The following ATP9A variants were observed in gnomAD, a reference collection of about 807,000 sequenced individuals.
ATP9A encodes probable phospholipid-transporting ATPase IIA.
Under a neutral mutation model 144.1 loss-of-function variants are expected in ATP9A, and 52 were observed. The ratio of observed to expected loss-of-function variants is 0.36; its 90% CI spans 0.29 to 0.45. The LOEUF (loss-of-function observed/expected upper bound fraction) is 0.45, where lower values mean the gene tolerates loss of function less well. Among genes scored for constraint, ATP9A ranks in the 20% least tolerant of loss-of-function variants. The pLI, the probability that ATP9A is intolerant of heterozygous loss-of-function variation, is 1.00. For missense variants in ATP9A, 947 were observed against 1,392.7 expected, an observed-to-expected ratio of 0.68 and a Z score of 5.09; for synonymous variants, 582 against 557.4, an observed-to-expected ratio of 1.04 and a Z score of -0.62.
At chr20:51,679,196 T>C (rs886961052) in intron 9 of ATP9A, among the ~76,000 whole-genome samples, 3 of 152,230 alleles carry the variant, frequency 2.0e-5, no homozygotes, top group Non-Finnish European at 4.4e-5. Flanking sequence ...TGGTGGCTCA[T>C]GCCTGTAATC....
At chr20:51,639,000 T>C (rs2077307197) in intron 15 of ATP9A, among the ~76,000 whole-genome samples, 1 of 151,828 alleles carries the variant, frequency 6.6e-6, no homozygotes, top group Non-Finnish European at 1.5e-5. Flanking sequence ...GCCACTGAAG[T>C]TTTCACTTTA....
chr20:51,733,299 T>C (rs1454146163), intron 1 of ATP9A, among the ~76,000 whole-genome samples: 1 of 152,166 alleles, frequency 6.6e-6, no homozygotes, highest in African/African-American at 2.4e-5. Context: ...GGAAATGTAT[T>C]GCTCATAGTT....
chr20:51,638,416 G>T (rs1052193142), intron 15 of ATP9A, among the ~76,000 whole-genome samples: 4 of 151,978 alleles, frequency 2.6e-5, no homozygotes, highest in Non-Finnish European at 5.9e-5. Flanking sequence ...TCCAACATAG[G>T]TGTGGGACTG....
intron 26 of ATP9A, among the ~76,000 whole-genome samples, chr20:51,606,079 C>A (rs1397037930): frequency 6.6e-6 from 1 of 151,886 alleles, no homozygotes; most frequent in African/African-American, 2.4e-5. Context: ...ACCAGCCTGG[C>A]CAACATGGTG....
intron 22 of ATP9A, among the ~76,000 whole-genome samples, 158 bp downstream of exon 22, chr20:51,617,331 CT>C (rs1171917968): frequency 2.0e-5 from 3 of 152,276 alleles, no homozygotes; most frequent in Admixed American, 6.5e-5. Context: ...CAATACAGAC[CT>C]CTATCTTCCC....
At chr20:51,749,298 C>T (rs894616068) in intron 1 of ATP9A, among the ~76,000 whole-genome samples, 5 of 152,108 alleles carry the variant, frequency 3.3e-5, no homozygotes, top group East Asian at 1.9e-4. Context: ...AGTCTCACTC[C>T]GTCACCCAGG....
intron 5 of ATP9A, among the ~76,000 whole-genome samples, chr20:51,697,062 GTAAATTAGA>G (rs2077573470): frequency 6.6e-6 from 1 of 152,160 alleles, no homozygotes; most frequent in African/African-American, 2.4e-5. Context: ...GGCTCAAAGG[GTAAATTAGA>G]TAAATATTTT....
At chr20:51,673,516 A>G (rs1344060575) in intron 11 of ATP9A, among the ~76,000 whole-genome samples, 1 of 152,186 alleles carries the variant, frequency 6.6e-6, no homozygotes, top group Non-Finnish European at 1.5e-5. Context: ...TTGAGCCCAG[A>G]TGCAGGCTCA....
In ATP9A at chr20:51,739,662, G is replaced by A. The variant is rs78663430; in HGVS notation, c.69-9684C>T. On this transcript the variant is annotated intron_variant, in intron 1 of 27. Transcript: ENST00000338821. ...TCTTCTTTCCCAGGGGTTTAGCTGA[G>A]CCCAATCCCATCTCTGAATTTCAGG... is the stretch of plus-strand genomic sequence containing the variant. 3.7e-3 allele frequency among the ~76,000 whole-genome samples: 560 copies of A among 152,216 alleles called. 11 individuals carry two copies. The East Asian group carries it at 0.062, about 17-fold the overall frequency.
chr20:51,726,889 CTTTTTT>C (rs55719132), intron 2 of ATP9A, among the ~76,000 whole-genome samples: 13 of 93,984 alleles, frequency 1.4e-4, no homozygotes, highest in South Asian at 4.7e-4. Flanking sequence ...TGTGTTATTT[CTTTTTT>C]TTTTTTTTTT....
At chr20:51,647,640 G>A (rs2077347272) in intron 14 of ATP9A, among the ~76,000 whole-genome samples, 1 of 152,084 alleles carries the variant, frequency 6.6e-6, no homozygotes. Context: ...TAAGGCAGGA[G>A]AATAGCTGGA....
chr20:51,693,850 G>A (rs1367948761), intron 7 of ATP9A, among the ~76,000 whole-genome samples, 158 bp downstream of exon 7: 1 of 152,178 alleles, frequency 6.6e-6, no homozygotes, highest in African/African-American at 2.4e-5. Context: ...GGTCACGTCA[G>A]GAAAGCCAAC....
At chr20:51,762,649 G>C (rs1246764696) in intron 1 of ATP9A, among the ~76,000 whole-genome samples, 4 of 148,412 alleles carry the variant, frequency 2.7e-5, no homozygotes, top group Admixed American at 1.3e-4. Context: ...ACAAGAGCGA[G>C]ACCCTGTCTA....
intron 19 of ATP9A, among the ~76,000 whole-genome samples, chr20:51,619,698 A>G (rs559962599): frequency 2.6e-5 from 4 of 151,418 alleles, no homozygotes; most frequent in African/African-American, 9.7e-5. Context: ...GAGAAACCCC[A>G]TCTCTACTAA....
rs1183039878 is a variant in ATP9A at position 51,611,795 on chromosome 20, G to T, written c.2572-1630C>A. On this transcript the variant is annotated intron_variant, in intron 23 of 27. Coordinates refer to ENST00000338821, the MANE Select transcript of ATP9A (RefSeq NM_006045.3). This position sits in a 1 kb window ranked among gnomAD's most constrained non-coding sequence, Gnocchi z 4.2. ...GAGTTAACATAAAAGTACAGATGTG[G>T]TCTGGTGAACCACAGCAGCTGTTTG... Among the ~76,000 whole-genome samples the T allele has an allele frequency of 6.6e-6, 1 of 152,202 alleles. No homozygotes were observed.
intron 17 of ATP9A, among the ~76,000 whole-genome samples, chr20:51,625,955 G>T (rs1318506787): frequency 6.6e-6 from 1 of 152,202 alleles, no homozygotes; most frequent in Non-Finnish European, 1.5e-5. Context: ...GGCTTACAAA[G>T]AACTCAAATA....
At chr20:51,628,946 C>A in intron 16 of ATP9A, 34 bp downstream of exon 16, 1 of 1,576,354 alleles carries the variant, frequency 6.3e-7, no homozygotes, top group Non-Finnish European at 8.7e-7. Context: ...AACATGCTTC[C>A]AAGGCCTGGT....
rs2077535260 is a variant in ATP9A at position 51,688,933 on chromosome 20, G to T, written c.799+131C>A. 3.0e-6 allele frequency: 3 copies of T among 985,450 alleles called. No individual in the cohort carries two copies. The South Asian group carries it at 4.2e-5, about 14-fold the overall frequency. The allele number at this position is 985,450 out of a possible 1,614,324, so 61.0% of individuals were successfully genotyped here. On this transcript the variant is annotated intron_variant, in intron 9 of 27. Coordinates refer to ENST00000338821, the MANE Select transcript of ATP9A (RefSeq NM_006045.3). ...TAGATGTCAGTTTAATTCCCTGGAG[G>T]TGTCGGAACAAGTGGAAAATGCCAT...
At chr20:51,697,317 TG>T in intron 5 of ATP9A, 106 bp downstream of exon 5, 2 of 1,086,812 alleles carry the variant, frequency 1.8e-6, no homozygotes, top group Non-Finnish European at 2.7e-6. Context: ...GCAAAGTTTT[TG>T]GATAGAATCC....
Sources: allele counts gnomAD v4.1 joint callset (sites outside exome capture counted in the v4.1 genomes callset), GRCh38; gene constraint gnomAD v4.1.1; non-coding constraint Gnocchi (gnomAD v3.1); transcripts MANE v1.5; gene names NCBI Gene and HGNC (gene_info 2026-07-23, HGNC 2026-07-21).